The following BCAS3 variants were observed in gnomAD, a reference collection of about 807,000 sequenced individuals.
The protein encoded by BCAS3 is BCAS4/BCAS3 fusion.
Under a neutral mutation model 116.1 loss-of-function variants are expected in BCAS3, and 53 were observed. The observed-to-expected ratio is 0.46, with a 90% CI of 0.37 to 0.57. BCAS3 has a LOEUF of 0.57. BCAS3 is among the 20% of genes least tolerant of loss of function. BCAS3 has a pLI of 0.00. For missense variants in BCAS3, 917 were observed against 1,165.4 expected (o/e 0.79, Z 3.10); for synonymous variants, 391 against 408.2 (o/e 0.96, Z 0.51).
intron 22 of BCAS3, among the ~76,000 whole-genome samples, chr17:61,246,524 T>G (rs888280407): frequency 2.9e-5 from 4 of 138,376 alleles, no homozygotes; most frequent in Admixed American, 7.2e-5. Flanking sequence ...CCCAGTCCCC[T>G]AGGTCTCTCC....
chr17:60,894,726 T>C (rs144226097), intron 10 of BCAS3, among the ~76,000 whole-genome samples: 112 of 152,350 alleles, frequency 7.4e-4, no homozygotes, highest in African/African-American at 2.6e-3. Flanking sequence ...CTTTATTATT[T>C]TGAGATAATT....
intron 19 of BCAS3, among the ~76,000 whole-genome samples, chr17:61,067,069 C>T (rs2070703848): frequency 6.6e-6 from 1 of 151,026 alleles, no homozygotes; most frequent in African/African-American, 2.4e-5. Context: ...TTTTAAAATT[C>T]TTTACACATT....
intron 22 of BCAS3, among the ~76,000 whole-genome samples, chr17:61,173,343 GGAGGCT>G (rs1321495903): frequency 6.6e-6 from 1 of 151,692 alleles, no homozygotes; most frequent in East Asian, 2.0e-4. Context: ...CAGCTGCTTG[GGAGGCT>G]GAGGCATGAG....
At chr17:61,336,667 G>C (rs2056748507) in intron 22 of BCAS3, among the ~76,000 whole-genome samples, 1 of 152,154 alleles carries the variant, frequency 6.6e-6, no homozygotes, top group Admixed American at 6.6e-5. Flanking sequence ...TCATCCACAG[G>C]GGTGCTGTAT....
rs1261996474 is a variant in BCAS3 at position 61,200,154 on chromosome 17, A to AAAAAC, written c.2425+115601_2425+115605dup. ...CCCTTCATTTCTTATCCTCTTTATAAAAAACAAAACAAAACCAACTTAGAA... is the reference window on the plus strand; with the variant it reads ...CCCTTCATTTCTTATCCTCTTTATAAAAAACAAAACAAAACAAAACCAACTTAGAA... On this transcript the variant is annotated intron_variant, in intron 22 of 23. Transcript: ENST00000407086. The surrounding 1 kb of genome is among the most constrained non-coding windows in gnomAD (Gnocchi z 5.1). Among the ~76,000 whole-genome samples, 12 of 152,328 alleles carry AAAAAC rather than the reference A, an allele frequency of 7.9e-5. No individual in the cohort carries two copies. Among genetic ancestry groups the AAAAAC allele is most frequent in the African/African-American group, 2.2e-4 (9 of 41,576 alleles).
At position 60,801,875 on chromosome 17, in the gene BCAS3, G is replaced by A. The variant is rs550938224; in HGVS notation, c.404-6129G>A. On this transcript the variant is annotated intron_variant, in intron 6 of 23. Coordinates refer to ENST00000407086, the MANE Select transcript of BCAS3 (RefSeq NM_017679.5). ...TCCTGTTTTCTCTGTTCTCTCTTTTGGAACTTCTGTCATCTATGTATTGAC... is the reference window on the plus strand; with the variant it reads ...TCCTGTTTTCTCTGTTCTCTCTTTTAGAACTTCTGTCATCTATGTATTGAC... Among the ~76,000 whole-genome samples the A allele has an allele frequency of 4.6e-5, 7 of 152,074 alleles. No individual in the cohort carries two copies. In the East Asian group the frequency reaches 1.4e-3, roughly 29 times the overall value.
intron 6 of BCAS3, among the ~76,000 whole-genome samples, chr17:60,753,504 G>T (rs952600012): frequency 6.6e-6 from 1 of 151,612 alleles, no homozygotes; most frequent in Non-Finnish European, 1.5e-5. Context: ...CTGCCTCCCG[G>T]GTTCCCGCCA....
At chr17:60,914,707 C>T (rs1296838242) in intron 12 of BCAS3, among the ~76,000 whole-genome samples, 6 of 152,134 alleles carry the variant, frequency 3.9e-5, no homozygotes, top group Non-Finnish European at 7.4e-5. Flanking sequence ...CCTTAGCCTA[C>T]CTGTAGTGAA....
chr17:61,121,856 A>G (rs549027229), intron 22 of BCAS3, among the ~76,000 whole-genome samples: 1 of 152,218 alleles, frequency 6.6e-6, no homozygotes, highest in African/African-American at 2.4e-5. Flanking sequence ...CAGCCTCCCA[A>G]GTGGCTGGGA....
chr17:60,853,000 G>A (rs940314974), intron 7 of BCAS3, among the ~76,000 whole-genome samples: 13 of 152,288 alleles, frequency 8.5e-5, no homozygotes, highest in Admixed American at 6.5e-4. Context: ...ACAAAGATGC[G>A]TATAGCAACT....
rs531544077 is a variant in BCAS3 at position 61,158,514 on chromosome 17, G to A, written c.2425+73950G>A. ...TTCATGTAGCTATTATAATTGTTGGGAATTTTGGTAGTGAATCTTTAACTG... is the reference window on the plus strand; with the variant it reads ...TTCATGTAGCTATTATAATTGTTGGAAATTTTGGTAGTGAATCTTTAACTG... On this transcript the variant is annotated intron_variant, in intron 22 of 23. Transcript: ENST00000407086. Among the ~76,000 whole-genome samples the A allele has an allele frequency of 1.8e-4, 28 of 152,232 alleles. 1 individual carries two copies. The highest frequency in any genetic ancestry group is 1.0e-3 in the South Asian group (5 of 4,818).
intron 4 of BCAS3, among the ~76,000 whole-genome samples, chr17:60,701,586 CA>C (rs895419756): frequency 1.3e-5 from 2 of 151,770 alleles, no homozygotes; most frequent in Admixed American, 6.6e-5. Context: ...CTAGAAACAT[CA>C]AAAAAATTAA....
chr17:61,271,613 G>GTA (rs1235505530), intron 22 of BCAS3, among the ~76,000 whole-genome samples: 3 of 147,826 alleles, frequency 2.0e-5, no homozygotes, highest in Non-Finnish European at 3.0e-5. Flanking sequence ...GTGTGTGTGT[G>GTA]TGTGTGTGTG....
In BCAS3 at chr17:61,155,808, G is replaced by A. The variant is rs150303390; in HGVS notation, c.2425+71244G>A. Among the ~76,000 whole-genome samples the A allele has an allele frequency of 5.9e-3, 892 of 152,298 alleles. 2 individuals are homozygous for A. Among genetic ancestry groups the A allele is most frequent in the Non-Finnish European group, 9.2e-3 (625 of 68,020 alleles). ...GGTCTCAGGGAGGAGCAGAGAAGAA[G>A]AATGCTTTCCTGTTCAACCTGATAG... is the stretch of plus-strand genomic sequence containing the variant. On this transcript the variant is annotated intron_variant, in intron 22 of 23. Transcript: ENST00000407086.
At chr17:60,969,880 T>C (rs1260231399) in intron 14 of BCAS3, among the ~76,000 whole-genome samples, 1 of 152,228 alleles carries the variant, frequency 6.6e-6, no homozygotes, top group Non-Finnish European at 1.5e-5. Flanking sequence ...TGGAATAACA[T>C]GTCTGAAGGA....
At chr17:61,176,162 GAAAA>G (rs1206801381) in intron 22 of BCAS3, among the ~76,000 whole-genome samples, 7 of 116,796 alleles carry the variant, frequency 6.0e-5, no homozygotes, top group Non-Finnish European at 1.3e-4. Context: ...AAAAAAAAAA[GAAAA>G]AGAAAAAGAA....
intron 22 of BCAS3, among the ~76,000 whole-genome samples, chr17:61,201,621 G>T (rs929469529): frequency 6.6e-6 from 1 of 152,192 alleles, no homozygotes; most frequent in Non-Finnish European, 1.5e-5. Context: ...TGCTCAGGTT[G>T]TGGTTAATGG....
chr17:60,955,386 A>ATTTTTTTTTTTTT lies in BCAS3; in HGVS notation c.1221+8041_1221+8053dup, dbSNP rs1016334366. On this transcript the variant is annotated intron_variant, in intron 14 of 23. Coordinates refer to ENST00000407086, the MANE Select transcript of BCAS3 (RefSeq NM_017679.5). ...AAAGGATCTAGTTCAGGGAAACTGA[A>ATTTTTTTTTTTTT]TTTTTTTTTTTTTTTTTTTGAGACA... Among the ~76,000 whole-genome samples the ATTTTTTTTTTTTT allele has an allele frequency of 1.9e-3, 242 of 128,068 alleles. 25 individuals carry two copies. Among genetic ancestry groups the ATTTTTTTTTTTTT allele is most frequent in the African/African-American group, 8.3e-3 (235 of 28,276 alleles). The allele number at this position is 128,068 out of a possible 152,430, so 84.0% of individuals were successfully genotyped here. A position where few individuals can be genotyped will look rare whatever the true frequency, so the allele number is the denominator to read the frequency against.
At chr17:60,952,665 G>T (rs984450710) in intron 14 of BCAS3, among the ~76,000 whole-genome samples, 4 of 152,060 alleles carry the variant, frequency 2.6e-5, no homozygotes, top group Non-Finnish European at 4.4e-5. Flanking sequence ...GGTTTATTAT[G>T]TAGGTATATT....
Sources: gnomAD v4.1 joint callset for allele counts (sites outside exome capture counted in the v4.1 genomes callset) on GRCh38, gnomAD v4.1.1 for gene constraint, Gnocchi (gnomAD v3.1) non-coding constraint, MANE v1.5 for transcripts, NCBI Gene and HGNC (gene_info 2026-07-23, HGNC 2026-07-21) for gene names.